DACH2: variants seen among roughly 807,000 people sequenced by gnomAD.
DACH2 encodes dachshund family transcription factor 2, also known as dachshund homolog 2.
In DACH2, 17 loss-of-function variants were observed where a neutral mutation model predicts 35.8. The observed-to-expected ratio is 0.48, with a 90% confidence interval of 0.33 to 0.71. The LOEUF is 0.71. Ranked by LOEUF, DACH2 falls within the 30% of genes least tolerant of loss-of-function variation. The pLI is 0.02. For missense variants in DACH2, 469 were observed against 472.7 expected (o/e 0.99, Z 0.07); for synonymous variants, 195 against 177.3 (o/e 1.10, Z -0.79).
At chrX:86,285,410 C>T (rs1307373580) in intron 1 of DACH2, among the ~76,000 whole-genome samples, 1 of 111,739 alleles carries the variant, frequency 8.9e-6, no homozygotes, top group Non-Finnish European at 1.9e-5. Context: ...ATTTTTCCAT[C>T]TTAAATAATT....
At chrX:86,785,634 T>A (rs1349195936) in intron 7 of DACH2, among the ~76,000 whole-genome samples, 1 of 111,812 alleles carries the variant, frequency 8.9e-6, no homozygotes, top group Non-Finnish European at 1.9e-5. Flanking sequence ...GGAGTTTTGC[T>A]ACAAAATGTA....
At chrX:86,399,542 G>T (rs1174876004) in intron 2 of DACH2, among the ~76,000 whole-genome samples, 2 of 111,743 alleles carry the variant, frequency 1.8e-5, no homozygotes, top group Non-Finnish European at 3.8e-5. Context: ...TCCATGTTTA[G>T]TGCTTCCTTC....
chrX:86,453,266 G>C (rs753747499), intron 2 of DACH2, among the ~76,000 whole-genome samples: 6 of 111,966 alleles, frequency 5.4e-5, no homozygotes, highest in Non-Finnish European at 1.1e-4. Flanking sequence ...GTGCCATGAG[G>C]CAATTAGAAG....
At chrX:86,557,418 G>A (rs987479588) in intron 3 of DACH2, among the ~76,000 whole-genome samples, 15 of 107,186 alleles carry the variant, frequency 1.4e-4, no homozygotes, top group East Asian at 6.0e-4. Context: ...TTGACTTGGC[G>A]ATGCGGGCTC....
At chrX:86,405,509 T>A (rs1225580850) in intron 2 of DACH2, among the ~76,000 whole-genome samples, 3 of 111,469 alleles carry the variant, frequency 2.7e-5, no homozygotes, top group Non-Finnish European at 3.8e-5. Flanking sequence ...ATTGTGCATA[T>A]CACTATCAGC....
chrX:86,495,153 T>C (rs1452014446), intron 2 of DACH2, among the ~76,000 whole-genome samples: 3 of 110,892 alleles, frequency 2.7e-5, no homozygotes, highest in Admixed American at 9.6e-5. Context: ...TTTCAAGTGA[T>C]TCTCCTGCCT....
intron 2 of DACH2, among the ~76,000 whole-genome samples, chrX:86,388,756 T>C (rs946241413): frequency 8.9e-6 from 1 of 111,744 alleles, no homozygotes; most frequent in African/African-American, 3.3e-5. Context: ...CCTTTGTCCA[T>C]TATGTAATTC....
chrX:86,739,482 G>T (rs1378707831), intron 6 of DACH2, among the ~76,000 whole-genome samples: 1 of 111,663 alleles, frequency 9.0e-6, no homozygotes, highest in Non-Finnish European at 1.9e-5. Context: ...GAATTTTTTA[G>T]CAGAGCAAAT....
At chrX:86,602,603 A>T (rs2039803303) in intron 3 of DACH2, among the ~76,000 whole-genome samples, 1 of 111,981 alleles carries the variant, frequency 8.9e-6, no homozygotes, top group African/African-American at 3.2e-5. Flanking sequence ...AATAACTAAT[A>T]ATGCCAGAGG....
At chrX:86,487,483 C>T (rs1166793050) in intron 2 of DACH2, among the ~76,000 whole-genome samples, 1 of 111,605 alleles carries the variant, frequency 9.0e-6, no homozygotes, top group African/African-American at 3.3e-5. Flanking sequence ...GCATTTTGCA[C>T]CAGCTAGGTG....
intron 2 of DACH2, among the ~76,000 whole-genome samples, chrX:86,413,491 C>T (rs942831161): frequency 8.9e-5 from 10 of 111,827 alleles, no homozygotes; most frequent in African/African-American, 3.3e-4. Context: ...CTTGGTTAAG[C>T]TTATGATAAT....
At chrX:86,326,880 AC>A (rs1456149623) in intron 1 of DACH2, among the ~76,000 whole-genome samples, 1 of 111,866 alleles carries the variant, frequency 8.9e-6, no homozygotes, top group Non-Finnish European at 1.9e-5. Context: ...AAATGGCACT[AC>A]CTTTTGTATG....
intron 6 of DACH2, among the ~76,000 whole-genome samples, chrX:86,716,927 CT>C (rs1477191962): frequency 8.9e-6 from 1 of 111,859 alleles, no homozygotes; most frequent in Non-Finnish European, 1.9e-5. Context: ...TTTTATACAA[CT>C]TTTTAAAAGG....
chrX:86,694,330 T>C (rs1467933880), intron 4 of DACH2, among the ~76,000 whole-genome samples: 1 of 112,597 alleles, frequency 8.9e-6, no homozygotes, highest in Non-Finnish European at 1.9e-5. Flanking sequence ...GTTTTCCATA[T>C]GGTTTTAAGC....
intron 11 of DACH2, chrX:86,830,129 A>AGAT (rs1300616692): frequency 8.9e-5 from 10 of 111,753 alleles, no homozygotes; most frequent in Admixed American, 3.8e-4. Context: ...TTTATGTAGG[A>AGAT]GATTACTTTG....
intron 2 of DACH2, among the ~76,000 whole-genome samples, chrX:86,401,613 G>T (rs2036433399): frequency 1.8e-5 from 2 of 110,298 alleles, no homozygotes; most frequent in African/African-American, 6.6e-5. Flanking sequence ...GGCAAAAGTG[G>T]CATGAGAATA....
At chrX:86,252,157 A>G (rs546293784) in intron 1 of DACH2, among the ~76,000 whole-genome samples, 2 of 110,573 alleles carry the variant, frequency 1.8e-5, no homozygotes, top group African/African-American at 6.5e-5. Context: ...AGAACTGTCT[A>G]TGCATACCCT....
At chrX:86,654,203 A>C (rs907887334) in intron 4 of DACH2, among the ~76,000 whole-genome samples, 4 of 107,052 alleles carry the variant, frequency 3.7e-5, no homozygotes, top group African/African-American at 1.0e-4. Flanking sequence ...AAAAAAAAAA[A>C]AAAAAAAAAA....
At chrX:86,765,698 G>GTTTTTTTTTT (rs60709865) in intron 7 of DACH2, among the ~76,000 whole-genome samples, 30 of 24,626 alleles carry the variant, frequency 1.2e-3, no homozygotes, top group East Asian at 3.3e-3. Context: ...TTGTTTTTTG[G>GTTTTTTTTTT]TTTTTTTTTT....
Sources: gnomAD v4.1 joint callset for allele counts (sites outside exome capture counted in the v4.1 genomes callset) on GRCh38, gnomAD v4.1.1 for gene constraint, MANE v1.5 for transcripts, NCBI Gene and HGNC (gene_info 2026-07-23, HGNC 2026-07-21) for gene names.